RARB: variants seen among roughly 807,000 people sequenced by gnomAD.
The protein encoded by RARB is retinoic acid receptor beta.
A neutral mutation model predicts 51.9 loss-of-function variants in RARB; 17 were observed. That is an observed-to-expected ratio of 0.33 (90% CI 0.22 to 0.49). The LOEUF (loss-of-function observed/expected upper bound fraction) is 0.49, where lower values mean the gene tolerates loss of function less well. Among genes scored for constraint, RARB ranks in the 20% least tolerant of loss-of-function variants. The pLI, the probability that RARB is intolerant of heterozygous loss-of-function variation, is 0.99. For missense variants in RARB, 369 were observed against 550.8 expected, an observed-to-expected ratio of 0.67 and a Z score of 3.30; for synonymous variants, 215 against 195.4, an observed-to-expected ratio of 1.10 and a Z score of -0.84.
At chr3:25,364,542 G>C (rs1024906089) in intron 5 of RARB, among the ~76,000 whole-genome samples, 1 of 152,156 alleles carries the variant, frequency 6.6e-6, no homozygotes, top group South Asian at 2.1e-4. Context: ...GAACAATATA[G>C]ACAAAGATTC....
At chr3:25,571,614 T>G (rs1700715152) in intron 4 of RARB, among the ~76,000 whole-genome samples, 1 of 152,194 alleles carries the variant, frequency 6.6e-6, no homozygotes, top group Non-Finnish European at 1.5e-5. Flanking sequence ...CATTTTCACC[T>G]GGGAGAGAAA....
intron 2 of RARB, among the ~76,000 whole-genome samples, chr3:25,052,050 T>A (rs754554847): frequency 6.6e-6 from 1 of 152,182 alleles, no homozygotes; most frequent in East Asian, 1.9e-4. Context: ...AGGCTCCATC[T>A]CGGTATATGC....
intron 2 of RARB, among the ~76,000 whole-genome samples, chr3:24,924,613 A>G (rs1000416117): frequency 6.6e-6 from 1 of 152,214 alleles, no homozygotes; most frequent in African/African-American, 2.4e-5. Flanking sequence ...CTCAGTCAGT[A>G]TATAAAGCTA....
intron 5 of RARB, among the ~76,000 whole-genome samples, chr3:25,217,993 CCTCTA>C (rs775285173): frequency 1.3e-4 from 20 of 152,098 alleles, no homozygotes; most frequent in Non-Finnish European, 2.1e-4. Flanking sequence ...AAAAAAATTC[CCTCTA>C]CTCTTTTTTG....
At chr3:25,330,149 C>A (rs1033704436) in intron 5 of RARB, among the ~76,000 whole-genome samples, 2 of 152,024 alleles carry the variant, frequency 1.3e-5, no homozygotes, top group Non-Finnish European at 2.9e-5. Context: ...CATTCCAATT[C>A]AGGAAATACA....
chr3:25,197,793 G>A lies in RARB; in HGVS notation c.178+23218G>A, dbSNP rs1168308858. On this transcript the variant is annotated intron_variant, in intron 5 of 11. Coordinates refer to the RARB transcript ENST00000383772. The stretch of plus-strand genomic sequence containing the variant: ...TAAGTTGAAGAAGACACAAAAAAAT[G>A]GAAAGATATTCCATGTTCATGGAAT... Among the ~76,000 whole-genome samples the A allele has an allele frequency of 1.8e-4, 27 of 151,776 alleles. 1 individual carries two copies. The highest frequency in any genetic ancestry group is 2.9e-5 in the Non-Finnish European group (2 of 67,910).
chr3:25,531,161 G>T (rs1283424094), intron 3 of RARB, among the ~76,000 whole-genome samples: 2 of 152,114 alleles, frequency 1.3e-5, no homozygotes, highest in African/African-American at 4.8e-5. Context: ...AAAAATACAA[G>T]CCTCAGAGTT....
chr3:24,967,701 A>C (rs1286695605), intron 2 of RARB, among the ~76,000 whole-genome samples: 1 of 152,158 alleles, frequency 6.6e-6, no homozygotes, highest in Non-Finnish European at 1.5e-5. Context: ...AAATGAATAA[A>C]ATAGCTTCAT....
intron 2 of RARB, among the ~76,000 whole-genome samples, chr3:24,916,927 T>C (rs1695119192): frequency 6.6e-6 from 1 of 152,154 alleles, no homozygotes; most frequent in Non-Finnish European, 1.5e-5. Context: ...TCAGTAATAT[T>C]TTGCTGAGTG....
intron 5 of RARB, among the ~76,000 whole-genome samples, chr3:25,364,726 A>AC (rs1706057866): frequency 6.6e-6 from 1 of 152,232 alleles, no homozygotes. Context: ...AACATGAGGA[A>AC]CCATATCCAG....
intron 2 of RARB, among the ~76,000 whole-genome samples, chr3:24,910,330 C>G (rs1223278935): frequency 6.6e-6 from 1 of 152,180 alleles, no homozygotes; most frequent in African/African-American, 2.4e-5. Context: ...CAGTTAGGTT[C>G]AGTCCCGCTA....
intron 2 of RARB, among the ~76,000 whole-genome samples, chr3:25,475,393 A>C (rs1695898024): frequency 6.6e-6 from 1 of 151,382 alleles, no homozygotes; most frequent in South Asian, 2.1e-4. Flanking sequence ...CTATTATCCA[A>C]ATAACAAAGG....
chr3:25,180,284 T>C (rs80007223), intron 5 of RARB, among the ~76,000 whole-genome samples: 2,409 of 152,328 alleles, frequency 0.016, 47 homozygotes, highest in African/African-American at 0.054. Flanking sequence ...TGTATTAGAA[T>C]TCCTTTCGAT....
intron 1 of RARB, among the ~76,000 whole-genome samples, chr3:24,838,955 C>G (rs1454350203): frequency 6.8e-6 from 1 of 147,980 alleles, no homozygotes; most frequent in Non-Finnish European, 1.5e-5. Flanking sequence ...TCAACTAAAT[C>G]AAAATTAAAA....
intron 5 of RARB, among the ~76,000 whole-genome samples, chr3:25,220,222 T>C (rs1043661698): frequency 7.2e-5 from 11 of 152,206 alleles, no homozygotes; most frequent in African/African-American, 2.4e-4. Flanking sequence ...AACTGTATGG[T>C]TCAGCAGACA....
At chr3:25,513,327 G>A (rs1419196681) in intron 3 of RARB, among the ~76,000 whole-genome samples, 3 of 151,336 alleles carry the variant, frequency 2.0e-5, no homozygotes, top group African/African-American at 4.9e-5. Context: ...GAGAAAGAAG[G>A]AAAGAAAGGA....
chr3:25,259,477 A>G (rs1173907323), intron 5 of RARB, among the ~76,000 whole-genome samples: 2 of 152,148 alleles, frequency 1.3e-5, no homozygotes, highest in African/African-American at 4.8e-5. Flanking sequence ...TTCCCTTTAT[A>G]CTAGCTGGAT....
intron 3 of RARB, among the ~76,000 whole-genome samples, chr3:25,076,699 T>C (rs1698876997): frequency 2.0e-5 from 3 of 152,306 alleles, no homozygotes; most frequent in South Asian, 4.1e-4. Context: ...GAAAAACAAA[T>C]TTTTTGTTTT....
intron 5 of RARB, among the ~76,000 whole-genome samples, chr3:25,196,204 A>C (rs2125367023): frequency 6.6e-6 from 1 of 152,058 alleles, no homozygotes; most frequent in East Asian, 1.9e-4. Context: ...ATTACTCCTA[A>C]TACTACCCCT....
Sources: allele counts gnomAD v4.1 joint callset (sites outside exome capture counted in the v4.1 genomes callset), GRCh38; gene constraint gnomAD v4.1.1; transcripts MANE v1.5; gene names NCBI Gene and HGNC (gene_info 2026-07-23, HGNC 2026-07-21).